The following DENND3 variants were observed in gnomAD, a reference collection of about 807,000 sequenced individuals.
The protein encoded by DENND3 is DENN domain-containing protein 3.
DENND3 carries 88 observed loss-of-function variants against 135.1 expected under a neutral mutation model. The observed-to-expected ratio is 0.65, with a 90% CI of 0.55 to 0.78. DENND3 has a LOEUF of 0.78. Among genes scored for constraint, DENND3 ranks in the 30% least tolerant of loss-of-function variants. The pLI, the probability that DENND3 is intolerant of heterozygous loss-of-function variation, is 0.00. For synonymous variants in DENND3, 693 were observed against 712.3 expected (o/e 0.97, Z 0.43); for missense variants, 1,392 against 1,688.4 (o/e 0.82, Z 3.08).
In DENND3 at chr8:141,138,226, C is replaced by T. The variant is rs1817013662; in HGVS notation, c.501+89C>T. 1.5e-6 allele frequency: 2 copies of T among 1,352,562 alleles called. No homozygotes were observed. Among genetic ancestry groups the T allele is most frequent in the Non-Finnish European group, 2.1e-6 (2 of 972,834 alleles). The allele number at this position is 1,352,562 out of a possible 1,614,324, so 83.8% of individuals were successfully genotyped here. A position where few individuals can be genotyped will look rare whatever the true frequency, so the allele number is the denominator to read the frequency against. On this transcript the variant is annotated intron_variant, in intron 3 of 22. Transcript: ENST00000519811. The surrounding 1 kb of genome is among the most constrained non-coding windows in gnomAD (Gnocchi z 4.8). Reference sequence around the variant, plus strand: ...CATAACACAACATTCACCATTCTAACCATTTTAAAGTGTGCAGTTCCGTAA... The same window carrying T: ...CATAACACAACATTCACCATTCTAATCATTTTAAAGTGTGCAGTTCCGTAA...
At chr8:141,135,475 T>C (rs1335885281) in intron 1 of DENND3, among the ~76,000 whole-genome samples, 2 of 152,180 alleles carry the variant, frequency 1.3e-5, no homozygotes, top group Non-Finnish European at 2.9e-5. Context: ...TAGGGTCCCT[T>C]AAAGACCCTT....
In DENND3 at chr8:141,194,540, C is replaced by T. The variant is rs2154613630; in HGVS notation, c.*307C>T. 1 of 370,192 alleles carries T rather than the reference C, an allele frequency of 2.7e-6. No individual in the cohort carries two copies. Among genetic ancestry groups the T allele is most frequent in the Non-Finnish European group, 5.1e-6 (1 of 197,382 alleles). 22.9% of individuals were successfully genotyped at this position (370,192 alleles called of 1,614,324 possible). On this transcript the variant is annotated 3_prime_UTR_variant, in exon 23 of 23. Coordinates refer to ENST00000519811, the MANE Select transcript of DENND3 (RefSeq NM_001352890.3). ...TTTGTTGCCTAGAAAGTTCTGGAAT[C>T]CACAACCAGGGGCTGGCACTGGAGC... is the stretch of plus-strand genomic sequence containing the variant.
Position 141,136,605 on chromosome 8 carries a change from C to G in DENND3, c.199C>G (p.Gln67Glu), listed in dbSNP as rs763438883. 6.3e-7 allele frequency: 1 copy of G among 1,599,928 alleles called. No homozygotes were observed. The highest frequency in any genetic ancestry group is 2.2e-5 in the East Asian group (1 of 44,450). Reference protein sequence around the residue: ...VPPFISKEDSQMAGANCGTLG... With the variant: ...VPPFISKEDSEMAGANCGTLG... The stretch of plus-strand genomic sequence containing the variant: ...TCCTTTTATCAGTAAAGAGGACAGT[C>G]AAATGGCCGGTGCCAACTGCGGCAC... Residue 67 changes from glutamine (Q) to glutamate (E), a missense_variant, in exon 2 of 23, where the codon CAA becomes GAA. Transcript: ENST00000519811.
chr8:141,138,113 G>A lies in DENND3; in HGVS notation c.477G>A (p.Val159=), dbSNP rs1308908665. ...GCGGGAATAGGACCTATGGCGTGGT[G>A]GCCCAGTACTACCGGCCCCTGCATG... ...DVCGNRTYGV[V]AQYYRPLHDE... The change falls in exon 3 of 23, where the codon GTG becomes GTA. Residue 159 remains valine, a synonymous_variant. Coordinates refer to ENST00000519811, the MANE Select transcript of DENND3 (RefSeq NM_001352890.3). This position sits in a 1 kb window ranked among gnomAD's most constrained non-coding sequence, Gnocchi z 4.8. The A allele has an allele frequency of 8.7e-6, 14 of 1,608,344 alleles. No individual in the cohort carries two copies. Among genetic ancestry groups the A allele is most frequent in the Non-Finnish European group, 1.2e-5 (14 of 1,177,044 alleles).
intron 5 of DENND3, among the ~76,000 whole-genome samples, chr8:141,147,305 G>T (rs570864855): frequency 6.6e-6 from 1 of 152,358 alleles, no homozygotes; most frequent in South Asian, 2.1e-4. Context: ...AGTGGCTGCA[G>T]AGATTATTAA....
chr8:141,157,567 C>T, intron 8 of DENND3: 1 of 985,854 alleles, frequency 1.0e-6, no homozygotes, highest in Non-Finnish European at 1.2e-6. Context: ...GCCTGTGATG[C>T]AGTCTGGATT....
intron 5 of DENND3, 79 bp from the exon 6 acceptor site, chr8:141,150,755 C>T: frequency 6.8e-7 from 1 of 1,469,522 alleles, no homozygotes; most frequent in Non-Finnish European, 9.0e-7. Context: ...GCCCTGGGCA[C>T]CGAAATAGTG....
chr8:141,155,653 T>G (rs1202529427), intron 7 of DENND3, among the ~76,000 whole-genome samples, 196 bp from the exon 8 acceptor site: 1 of 152,148 alleles, frequency 6.6e-6, no homozygotes, highest in Non-Finnish European at 1.5e-5. Flanking sequence ...GCAGTCTGCC[T>G]GCCTTGACCT....
chr8:141,128,689 C>CGGCG lies in DENND3; in HGVS notation c.-13_-10dup. 1 of 1,369,216 alleles carries CGGCG rather than the reference C, an allele frequency of 7.3e-7. No individual in the cohort carries two copies. The highest frequency in any genetic ancestry group is 1.5e-5 in the African/African-American group (1 of 65,924). The allele number at this position is 1,369,216 out of a possible 1,614,324, so 84.8% of individuals were successfully genotyped here. ...CTGAGGCGCCCGAGTGCGGTACTGG[C>CGGCG]GGCGGGCGGCGGGCAGCCATGGCGG... On this transcript the variant is annotated 5_prime_UTR_variant, in exon 1 of 23. Coordinates refer to ENST00000519811, the MANE Select transcript of DENND3 (RefSeq NM_001352890.3). This position sits in a 1 kb window ranked among gnomAD's most constrained non-coding sequence, Gnocchi z 4.5.
intron 8 of DENND3, chr8:141,158,310 A>C (rs1437405566): frequency 7.8e-7 from 1 of 1,277,454 alleles, no homozygotes; most frequent in Admixed American, 2.4e-5. Context: ...TGCTTCCTTG[A>C]CTTTTAGAGC....
At position 141,146,579 on chromosome 8, in the gene DENND3, ATCT is replaced by A. The variant is rs1487647888; in HGVS notation, c.735+2324_735+2326del. Among the ~76,000 whole-genome samples the A allele has an allele frequency of 1.3e-5, 2 of 152,282 alleles. No homozygotes were observed. The highest frequency in any genetic ancestry group is 1.5e-5 in the Non-Finnish European group (1 of 68,024). Reference sequence around the variant, plus strand: ...TGAAAGATTATACGTATTAATCTTGATCTTCTACATTTTTCTTTACTGACAATG... The same window carrying A: ...TGAAAGATTATACGTATTAATCTTGATCTACATTTTTCTTTACTGACAATG... On this transcript the variant is annotated intron_variant, in intron 5 of 22. Transcript: ENST00000519811. This position sits in a 1 kb window ranked among gnomAD's most constrained non-coding sequence, Gnocchi z 4.3.
chr8:141,179,660 G>A (rs372310469), intron 16 of DENND3, among the ~76,000 whole-genome samples: 2 of 152,358 alleles, frequency 1.3e-5, no homozygotes, highest in East Asian at 3.9e-4. Context: ...CGTTGGCCGC[G>A]GCCAGTTGGC....
chr8:141,160,878 G>A, intron 9 of DENND3, 91 bp downstream of exon 9: 1 of 1,495,764 alleles, frequency 6.7e-7, no homozygotes, highest in African/African-American at 1.4e-5. Context: ...CAGAGGGCAG[G>A]CCATTAGTAC....
Position 141,175,513 on chromosome 8 carries a change from A to C in DENND3, c.2535+54A>C, listed in dbSNP as rs1822211425. ...GACCCCACCTGTGTTTAGGAGACAG[A>C]TGGCTGGAGTGGGCCCTGAGCAGTC... is the stretch of plus-strand genomic sequence containing the variant. On this transcript the variant is annotated intron_variant, in intron 14 of 22. Coordinates refer to ENST00000519811, the MANE Select transcript of DENND3 (RefSeq NM_001352890.3). This position sits in a 1 kb window ranked among gnomAD's most constrained non-coding sequence, Gnocchi z 5.4. The C allele has an allele frequency of 4.3e-6, 7 of 1,612,542 alleles. No homozygotes were observed. The highest frequency in any genetic ancestry group is 5.1e-6 in the Non-Finnish European group (6 of 1,179,882).
rs901817903 is a variant in DENND3 at position 141,192,105 on chromosome 8, C to T, written c.3380-226C>T. On this transcript the variant is annotated intron_variant, in intron 20 of 22. Coordinates refer to ENST00000519811, the MANE Select transcript of DENND3 (RefSeq NM_001352890.3). ...AGTTAAGAAAAATTAAGAAACTGCC[C>T]ATATATTTACGTTTTCTGGTGAGCC... 1.0e-5 allele frequency: 5 copies of T among 480,714 alleles called. No homozygotes were observed. The Admixed American group carries it at 1.1e-4, about 11-fold the overall frequency. 29.8% of individuals were successfully genotyped at this position (480,714 alleles called of 1,614,324 possible).
chr8:141,133,605 G>A (rs1269380036), intron 1 of DENND3, among the ~76,000 whole-genome samples: 2 of 152,180 alleles, frequency 1.3e-5, no homozygotes, highest in Non-Finnish European at 2.9e-5. Context: ...GGAGCCACGG[G>A]TCTTGCAGGT....
chr8:141,190,644 T>C (rs1366998473), intron 20 of DENND3: 1 of 551,538 alleles, frequency 1.8e-6, no homozygotes. Context: ...GCTGACGGGA[T>C]GCCTGTCTTG....
chr8:141,128,864 GC>G lies in DENND3; in HGVS notation c.102+56del. The G allele has an allele frequency of 7.8e-7, 1 of 1,288,564 alleles. No homozygotes were observed. Among genetic ancestry groups the G allele is most frequent in the South Asian group, 1.7e-5 (1 of 58,044 alleles). The allele number at this position is 1,288,564 out of a possible 1,614,324, so 79.8% of individuals were successfully genotyped here. On this transcript the variant is annotated intron_variant, in intron 1 of 22. Transcript: ENST00000519811. The surrounding 1 kb of genome is among the most constrained non-coding windows in gnomAD (Gnocchi z 4.5). Reference sequence around the variant, plus strand: ...GGGCCACGAGTCGGCAGCCGGGACAGCAGTCGGAGAGCGGGCGCCCGGGTGC... The same window carrying G: ...GGGCCACGAGTCGGCAGCCGGGACAGAGTCGGAGAGCGGGCGCCCGGGTGC...
intron 8 of DENND3, among the ~76,000 whole-genome samples, chr8:141,157,229 C>T (rs958442185): frequency 2.0e-5 from 3 of 152,228 alleles, no homozygotes; most frequent in Middle Eastern, 3.4e-3. Context: ...AGGTCTCTGT[C>T]GAGGTGCAAA....
Sources: gnomAD v4.1 joint callset for allele counts (sites outside exome capture counted in the v4.1 genomes callset) on GRCh38, gnomAD v4.1.1 for gene constraint, Gnocchi (gnomAD v3.1) non-coding constraint, MANE v1.5 for transcripts, NCBI Gene and HGNC (gene_info 2026-07-23, HGNC 2026-07-21) for gene names.